The following TNFSF4 variants were observed in gnomAD, a reference collection of about 807,000 sequenced individuals.
TNFSF4 encodes tumor necrosis factor ligand superfamily member 4.
TNFSF4 carries 4 observed loss-of-function variants against 7.3 expected under a neutral mutation model. That is an observed-to-expected ratio of 0.55 (90% CI 0.27 to 1.25). TNFSF4 has a LOEUF of 1.25. Ranked by LOEUF, TNFSF4 falls within the 50% of genes most tolerant of loss-of-function variation. The probability of loss-of-function intolerance (pLI) is 0.12; values close to 1 mark genes in which losing one functional copy is unlikely to be tolerated. For synonymous variants in TNFSF4, 76 were observed against 83.7 expected (o/e 0.91, Z 0.50); for missense variants, 181 against 208.8 (o/e 0.87, Z 0.82).
chr1:173,375,678 T>C, the TNFSF4 span, among the ~76,000 whole-genome samples: 1 of 151,858 alleles, frequency 6.6e-6, no homozygotes, highest in Non-Finnish European at 1.5e-5. Flanking sequence ...ATCCTAAAAG[T>C]AGCCAATCGC....
the TNFSF4 span, among the ~76,000 whole-genome samples, chr1:173,270,169 G>C: frequency 6.6e-6 from 1 of 152,142 alleles, no homozygotes; most frequent in East Asian, 1.9e-4. Context: ...AAGACCATGA[G>C]AGGAGCAGAT....
At chr1:173,376,832 G>A in the TNFSF4 span, among the ~76,000 whole-genome samples, 17 of 152,214 alleles carry the variant, frequency 1.1e-4, no homozygotes, top group Admixed American at 3.9e-4. Flanking sequence ...TCAATCTTTG[G>A]GTCCACACTA....
chr1:173,355,546 G>A, the TNFSF4 span, among the ~76,000 whole-genome samples: 2 of 152,128 alleles, frequency 1.3e-5, no homozygotes, highest in Non-Finnish European at 2.9e-5. Flanking sequence ...TGACTCTGGA[G>A]GGCTGTCTCC....
chr1:173,301,837 C>T, the TNFSF4 span, among the ~76,000 whole-genome samples: 79 of 123,476 alleles, frequency 6.4e-4, no homozygotes, highest in African/African-American at 2.3e-3. Flanking sequence ...ACAGAACATA[C>T]ATTCCATAAA....
the TNFSF4 span, among the ~76,000 whole-genome samples, chr1:173,416,343 A>G: frequency 6.6e-6 from 1 of 152,192 alleles, no homozygotes; most frequent in Admixed American, 6.5e-5. Flanking sequence ...CGTGGCTTAA[A>G]GCAAGTCCCC....
At chr1:173,220,324 G>C in the TNFSF4 span, among the ~76,000 whole-genome samples, 1 of 152,062 alleles carries the variant, frequency 6.6e-6, no homozygotes. Flanking sequence ...TTTAAACATA[G>C]GTAGGTACTG....
the TNFSF4 span, among the ~76,000 whole-genome samples, chr1:173,390,197 C>T: frequency 1.3e-5 from 2 of 152,122 alleles, no homozygotes; most frequent in African/African-American, 2.4e-5. Context: ...ATAGTATTAG[C>T]ATTCATTCCT....
At chr1:173,203,864 T>G (rs145358506) in intron 1 of TNFSF4, among the ~76,000 whole-genome samples, 43 of 152,320 alleles carry the variant, frequency 2.8e-4, no homozygotes, top group African/African-American at 1.0e-3. Flanking sequence ...TCTGCCTTTG[T>G]TCCATAGCTG....
At chr1:173,296,930 G>A in the TNFSF4 span, among the ~76,000 whole-genome samples, 1 of 151,906 alleles carries the variant, frequency 6.6e-6, no homozygotes, top group Admixed American at 6.6e-5. Flanking sequence ...GGAGTCCCAG[G>A]TAGACAGTGC....
chr1:173,405,733 A>G, the TNFSF4 span, among the ~76,000 whole-genome samples: 3 of 152,256 alleles, frequency 2.0e-5, no homozygotes, highest in Non-Finnish European at 4.4e-5. Context: ...GATTACATAA[A>G]AAGAGTAGAT....
At chr1:173,257,854 T>A in the TNFSF4 span, among the ~76,000 whole-genome samples, 1 of 152,144 alleles carries the variant, frequency 6.6e-6, no homozygotes, top group East Asian at 1.9e-4. Flanking sequence ...AACACCTATG[T>A]GGTTGAACTC....
the TNFSF4 span, among the ~76,000 whole-genome samples, chr1:173,314,563 C>T: frequency 6.6e-6 from 1 of 152,104 alleles, no homozygotes; most frequent in Non-Finnish European, 1.5e-5. Context: ...TCATTCTGTG[C>T]ATGCATCACT....
chr1:173,234,608 T>A, the TNFSF4 span, among the ~76,000 whole-genome samples: 2 of 152,216 alleles, frequency 1.3e-5, no homozygotes, highest in Non-Finnish European at 2.9e-5. Flanking sequence ...TGGAATACTA[T>A]GCAGCCATAA....
the TNFSF4 span, among the ~76,000 whole-genome samples, chr1:173,244,126 G>A: frequency 6.6e-6 from 1 of 152,120 alleles, no homozygotes; most frequent in Non-Finnish European, 1.5e-5. Flanking sequence ...TGAAAACAAT[G>A]CATTTGACAG....
chr1:173,250,448 ATTTTTTGT>A, the TNFSF4 span, among the ~76,000 whole-genome samples: 1 of 150,114 alleles, frequency 6.7e-6, no homozygotes, highest in Non-Finnish European at 1.5e-5. Flanking sequence ...CTCCAGTTTC[ATTTTTTGT>A]TTTTTTGTTT....
At chr1:173,397,390 C>T in the TNFSF4 span, among the ~76,000 whole-genome samples, 464 of 152,298 alleles carry the variant, frequency 3.0e-3, 1 homozygote, top group African/African-American at 7.0e-3. Context: ...AGCAACTGTA[C>T]ATTGGGGAAA....
At chr1:173,286,702 A>T in the TNFSF4 span, among the ~76,000 whole-genome samples, 1 of 152,186 alleles carries the variant, frequency 6.6e-6, no homozygotes, top group Non-Finnish European at 1.5e-5. Context: ...TTTCTTAAAC[A>T]GGACATAAAA....
the TNFSF4 span, among the ~76,000 whole-genome samples, chr1:173,315,067 G>A: frequency 6.6e-5 from 10 of 152,216 alleles, no homozygotes; most frequent in African/African-American, 2.2e-4. Context: ...GATGAGAGAT[G>A]AAAACAGAAA....
At chr1:173,218,578 T>A in the TNFSF4 span, among the ~76,000 whole-genome samples, 2 of 143,448 alleles carry the variant, frequency 1.4e-5, no homozygotes, top group Non-Finnish European at 3.0e-5. Flanking sequence ...GCCCCAGATA[T>A]GAGGAACAAA....
Sources: gnomAD v4.1 joint callset for allele counts (sites outside exome capture counted in the v4.1 genomes callset) on GRCh38, gnomAD v4.1.1 for gene constraint, MANE v1.5 for transcripts, NCBI Gene and HGNC (gene_info 2026-07-23, HGNC 2026-07-21) for gene names.